The following ARL13B variants were observed in gnomAD, a reference collection of about 807,000 sequenced individuals.
ARL13B encodes the protein ARF like GTPase 13B.
A neutral mutation model predicts 56.1 loss-of-function variants in ARL13B; 36 were observed. The observed-to-expected ratio is 0.64, with a 90% CI of 0.49 to 0.85. The LOEUF (loss-of-function observed/expected upper bound fraction) is 0.85, where lower values mean the gene tolerates loss of function less well. Among genes scored for constraint, ARL13B ranks in the 40% least tolerant of loss-of-function variants. The pLI is 0.00. For synonymous variants in ARL13B, 178 were observed against 171.1 expected (o/e 1.04, Z -0.32); for missense variants, 519 against 507.1 (o/e 1.02, Z -0.23).
At chr3:94,007,244 T>G (rs896496462) in intron 3 of ARL13B, among the ~76,000 whole-genome samples, 1 of 152,148 alleles carries the variant, frequency 6.6e-6, no homozygotes, top group Admixed American at 6.5e-5. Flanking sequence ...TTAAGAAACT[T>G]TTCTATAATC....
chr3:94,053,233 T>C lies in ARL13B; in HGVS notation c.1257T>C (p.Pro419=). 2.5e-6 allele frequency: 4 copies of C among 1,613,400 alleles called. No individual in the cohort carries two copies. Among genetic ancestry groups the C allele is most frequent in the Non-Finnish European group, 3.4e-6 (4 of 1,179,732 alleles). ...CTCCCCTGGCTGTGCCACAGCGACC[T>C]AACAGTGATGCTCATGATGTGATCT... The part of the protein sequence containing the change: ...PLPPLAVPQR[P]NSDAHDVIS The change falls in exon 10 of 10, where the codon CCT becomes CCC. Residue 419 remains proline (P), a synonymous_variant. Coordinates refer to ENST00000394222, the MANE Select transcript of ARL13B (RefSeq NM_001174150.2).
chr3:94,023,805 T>C (rs1201207407), intron 3 of ARL13B, among the ~76,000 whole-genome samples: 4 of 152,286 alleles, frequency 2.6e-5, no homozygotes, highest in African/African-American at 7.2e-5. Context: ...GTTACTAATA[T>C]ACATACTATA....
chr3:93,987,718 G>A (rs1303452852), intron 1 of ARL13B, among the ~76,000 whole-genome samples: 1 of 151,982 alleles, frequency 6.6e-6, no homozygotes, highest in African/African-American at 2.4e-5. Context: ...GAGTGATCAC[G>A]GCTCACTGCA....
intron 8 of ARL13B, 26 bp downstream of exon 8, chr3:94,049,548 A>G: frequency 7.2e-7 from 1 of 1,384,934 alleles, no homozygotes; most frequent in Admixed American, 1.7e-5. Flanking sequence ...CTGATACTGA[A>G]TTTAGAAATA....
rs536763934 is a variant in ARL13B, at chr3:94,038,912, G to A, written c.690-968G>A. The stretch of plus-strand genomic sequence containing the variant: ...TAAATGTTCAGTGGTAACTAATATG[G>A]AAATACTTATTTAATCTGAATGATA... On this transcript the variant is annotated intron_variant, in intron 5 of 9. Coordinates refer to ENST00000394222, the MANE Select transcript of ARL13B (RefSeq NM_001174150.2). Among the ~76,000 whole-genome samples, 70 of 152,170 alleles carry A rather than the reference G, an allele frequency of 4.6e-4. 1 individual carries two copies. In the South Asian group the frequency reaches 0.014, roughly 30 times the overall value.
rs751553980 is a variant in ARL13B at position 94,053,179 on chromosome 3, T to C, written c.1211-8T>C. Reference sequence around the variant, plus strand: ...GTTTTGTGCATTTGGTTTTCTTTCTTTTCTTAGATTTCTATAGGAAGCCAC... The same window carrying C: ...GTTTTGTGCATTTGGTTTTCTTTCTCTTCTTAGATTTCTATAGGAAGCCAC... On this transcript the variant is annotated splice_polypyrimidine_tract_variant and splice_region_variant and intron_variant, in intron 9 of 9. Transcript: ENST00000394222. The C allele has an allele frequency of 6.2e-7, 1 of 1,609,694 alleles. No individual in the cohort carries two copies.
chr3:94,009,666 T>C (rs763265397), intron 3 of ARL13B, among the ~76,000 whole-genome samples: 1 of 152,060 alleles, frequency 6.6e-6, no homozygotes, highest in Non-Finnish European at 1.5e-5. Context: ...CCCCTACTTA[T>C]TGAATTTATA....
At chr3:94,035,206 C>T (rs2076745254) in intron 3 of ARL13B, 125 bp from the exon 4 acceptor site, 1 of 655,574 alleles carries the variant, frequency 1.5e-6, no homozygotes, top group South Asian at 2.0e-5. Context: ...CACTGTACTC[C>T]AGCCTGGGAA....
intron 6 of ARL13B, among the ~76,000 whole-genome samples, chr3:94,041,924 G>A (rs1294722334): frequency 6.6e-6 from 1 of 152,098 alleles, no homozygotes; most frequent in African/African-American, 2.4e-5. Context: ...GCCAGGCGTG[G>A]CACGAACCTA....
At chr3:93,987,973 A>G (rs991745372) in intron 1 of ARL13B, among the ~76,000 whole-genome samples, 1 of 152,164 alleles carries the variant, frequency 6.6e-6, no homozygotes, top group African/African-American at 2.4e-5. Context: ...TTATAGTGAC[A>G]TTCCAACTTA....
At chr3:94,031,489 T>C (rs2076676656) in intron 3 of ARL13B, among the ~76,000 whole-genome samples, 1 of 152,112 alleles carries the variant, frequency 6.6e-6, no homozygotes, top group Admixed American at 6.5e-5. Flanking sequence ...ATAAAGAAGC[T>C]ATCAAAGACT....
chr3:93,981,886 A>G lies in ARL13B; in HGVS notation c.59+1404A>G, dbSNP rs76514818. On this transcript the variant is annotated intron_variant, in intron 1 of 9. Transcript: ENST00000394222. ...GTCTCAAAAAAAAAAAAAAAAAAAA[A>G]AAAGAAAAAAGTCAAAGAGTTGTTT... 2.2e-3 allele frequency among the ~76,000 whole-genome samples: 329 copies of G among 147,294 alleles called. 2 individuals carry two copies. Among genetic ancestry groups the G allele is most frequent in the African/African-American group, 7.0e-3 (267 of 38,350 alleles).
chr3:94,031,932 G>T (rs554124670), intron 3 of ARL13B, among the ~76,000 whole-genome samples: 1 of 152,110 alleles, frequency 6.6e-6, no homozygotes, highest in South Asian at 2.1e-4. Context: ...TTAACTCAGG[G>T]TGCATTAAAG....
chr3:93,998,192 C>T (rs2107398468), intron 2 of ARL13B, among the ~76,000 whole-genome samples: 1 of 152,270 alleles, frequency 6.6e-6, no homozygotes, highest in East Asian at 1.9e-4. Flanking sequence ...GACCTGGAGG[C>T]CATGACACCT....
chr3:94,049,381 A>C, intron 7 of ARL13B, 25 bp from the exon 8 acceptor site: 10 of 1,411,946 alleles, frequency 7.1e-6, no homozygotes, highest in Non-Finnish European at 9.9e-6. Flanking sequence ...TAAAGACATG[A>C]AGTTTCATGT....
intron 6 of ARL13B, among the ~76,000 whole-genome samples, chr3:94,042,344 A>G (rs2076877653): frequency 6.6e-6 from 1 of 152,202 alleles, no homozygotes; most frequent in African/African-American, 2.4e-5. Flanking sequence ...TTCTACTGTT[A>G]GCAATTTAAT....
intron 3 of ARL13B, among the ~76,000 whole-genome samples, chr3:94,030,375 C>T (rs992237098): frequency 8.7e-5 from 13 of 149,436 alleles, no homozygotes; most frequent in Non-Finnish European, 1.3e-4. Flanking sequence ...TACAGGTGCA[C>T]GCCACCACGC....
chr3:94,040,102 A>T, intron 6 of ARL13B, 114 bp downstream of exon 6: 1 of 865,196 alleles, frequency 1.2e-6, no homozygotes, highest in Non-Finnish European at 1.9e-6. Context: ...CTTCTGAGAG[A>T]TTATTTCTAT....
chr3:94,035,341 A>T lies in ARL13B; in HGVS notation c.391A>T (p.Lys131Ter), dbSNP rs759077428. The change falls in exon 4 of 10, where the codon AAA becomes TAA. Residue 131 changes from lysine to a stop codon, truncating the protein, a stop_gained. Transcript: ENST00000394222. LOFTEE classifies it high-confidence loss of function. ...TTAATTATCTTTCAGGTTGGCAAAT[A>T]AACAAGATAAAGAAGGAGCTTTAGG... ...SGKPILVLAN[K>*]QDKEGALGEA... 2.5e-6 allele frequency: 4 copies of T among 1,609,698 alleles called. No homozygotes were observed. The highest frequency in any genetic ancestry group is 3.4e-6 in the Non-Finnish European group (4 of 1,177,844).
Sources: allele counts gnomAD v4.1 joint callset (sites outside exome capture counted in the v4.1 genomes callset), GRCh38; gene constraint gnomAD v4.1.1; transcripts MANE v1.5; gene names NCBI Gene and HGNC (gene_info 2026-07-23, HGNC 2026-07-21).